MPHOSPH9: variants seen among roughly 807,000 people sequenced by gnomAD.
MPHOSPH9 encodes the protein M-phase phosphoprotein 9.
In MPHOSPH9, 88 loss-of-function variants were observed where a neutral mutation model predicts 145.5. That is an observed-to-expected ratio of 0.60 (90% CI 0.51 to 0.72). The LOEUF is 0.72. Ranked by LOEUF, MPHOSPH9 falls within the 30% of genes least tolerant of loss-of-function variation. MPHOSPH9 has a pLI of 0.00. For synonymous variants in MPHOSPH9, 435 were observed against 486.2 expected (o/e 0.89, Z 1.39); for missense variants, 1,238 against 1,386.6 (o/e 0.89, Z 1.70).
rs2043857646 is a variant in MPHOSPH9 at position 123,156,126 on chromosome 12, G to T, written c.*681C>A. On this transcript the variant is annotated 3_prime_UTR_variant, in exon 24 of 24. Coordinates refer to ENST00000606320, the MANE Select transcript of MPHOSPH9 (RefSeq NM_022782.4). ...AGAGCTACTCTGAGAGCCCTCCAGA[G>T]AGGGCTCTCCAATTGTTTAACTTTT... The T allele has an allele frequency of 6.6e-6, 1 of 152,208 alleles. No homozygotes were observed. The highest frequency in any genetic ancestry group is 2.4e-5 in the African/African-American group (1 of 41,450). The allele number at this position is 152,208 out of a possible 1,614,324, so 9.4% of individuals were successfully genotyped here.
chr12:123,229,387 A>G (rs1178664223), intron 2 of MPHOSPH9, among the ~76,000 whole-genome samples: 1 of 152,244 alleles, frequency 6.6e-6, no homozygotes, highest in African/African-American at 2.4e-5. Context: ...CTGTGTTAAG[A>G]CCATTAAAAA....
chr12:123,184,498 A>AT (rs35180953), intron 13 of MPHOSPH9, among the ~76,000 whole-genome samples: 21 of 145,560 alleles, frequency 1.4e-4, no homozygotes, highest in African/African-American at 1.5e-4. Flanking sequence ...CTTTAATTTA[A>AT]TTTTTTTTTT....
At chr12:123,170,425 G>T (rs2044528825) in intron 16 of MPHOSPH9, among the ~76,000 whole-genome samples, 1 of 152,252 alleles carries the variant, frequency 6.6e-6, no homozygotes, top group African/African-American at 2.4e-5. Flanking sequence ...TTATAGGCGT[G>T]AGCCACTGTG....
At chr12:123,162,961 A>G in intron 20 of MPHOSPH9, 53 bp downstream of exon 20, 1 of 1,470,806 alleles carries the variant, frequency 6.8e-7, no homozygotes. Flanking sequence ...GTCAACATTT[A>G]GAAAAAAATC....
intron 16 of MPHOSPH9, among the ~76,000 whole-genome samples, chr12:123,170,124 C>T (rs58339539): frequency 0.04 from 6,009 of 150,956 alleles, 391 homozygotes; most frequent in African/African-American, 0.14. Context: ...ACTACAGGCG[C>T]GTACCACCAA....
At chr12:123,157,017 T>G (rs1418443571) in intron 23 of MPHOSPH9, 109 bp from the exon 24 acceptor site, 2 of 662,694 alleles carry the variant, frequency 3.0e-6, no homozygotes, top group African/African-American at 3.6e-5. Context: ...ACACTAAAAT[T>G]ACAATTATTT....
intron 13 of MPHOSPH9, 74 bp downstream of exon 13, chr12:123,194,312 T>C (rs1253166448): frequency 1.2e-6 from 1 of 853,866 alleles, no homozygotes; most frequent in Non-Finnish European, 1.8e-6. Flanking sequence ...AAAGTCATAA[T>C]CACTTGTAAG....
At chr12:123,240,306 G>A (rs895220277) in intron 1 of MPHOSPH9, among the ~76,000 whole-genome samples, 4 of 151,738 alleles carry the variant, frequency 2.6e-5, no homozygotes, top group African/African-American at 4.8e-5. Flanking sequence ...CCCGGGAGGC[G>A]GAGGTTGCAG....
chr12:123,205,493 C>T (rs2046388288), intron 8 of MPHOSPH9, among the ~76,000 whole-genome samples: 1 of 152,068 alleles, frequency 6.6e-6, no homozygotes, highest in Admixed American at 6.6e-5. Context: ...ATGCAGTGAG[C>T]TGAGATCGCA....
intron 13 of MPHOSPH9, among the ~76,000 whole-genome samples, chr12:123,186,649 A>G (rs539634492): frequency 1.3e-5 from 2 of 152,308 alleles, no homozygotes; most frequent in South Asian, 2.1e-4. Context: ...ATTATAGATA[A>G]TATGTAAAAT....
chr12:123,174,608 G>A (rs1049263118), intron 16 of MPHOSPH9, among the ~76,000 whole-genome samples: 5 of 151,982 alleles, frequency 3.3e-5, no homozygotes, highest in African/African-American at 9.7e-5. Flanking sequence ...TCCTGACCTC[G>A]TGATCCGCCC....
At chr12:123,196,034 C>CAAA (rs571566355) in intron 12 of MPHOSPH9, among the ~76,000 whole-genome samples, 1 of 131,752 alleles carries the variant, frequency 7.6e-6, no homozygotes, top group Non-Finnish European at 1.6e-5. Context: ...GACCCTGTCT[C>CAAA]AAAAAAAAAA....
chr12:123,184,193 G>A (rs776370625), intron 13 of MPHOSPH9, among the ~76,000 whole-genome samples: 6 of 151,942 alleles, frequency 3.9e-5, no homozygotes, highest in Non-Finnish European at 5.9e-5. Flanking sequence ...GTGACAAGGT[G>A]AGACCTGTCT....
At chr12:123,157,351 G>GAA (rs76218367) in intron 23 of MPHOSPH9, among the ~76,000 whole-genome samples, 5 of 113,862 alleles carry the variant, frequency 4.4e-5, no homozygotes, top group Non-Finnish European at 1.9e-5. Flanking sequence ...AGTTAAAAAG[G>GAA]AAAAAAAAAA....
At chr12:123,164,612 T>C (rs561869871) in intron 18 of MPHOSPH9, among the ~76,000 whole-genome samples, 2 of 152,210 alleles carry the variant, frequency 1.3e-5, no homozygotes, top group Admixed American at 6.5e-5. Context: ...TCTCACTTCA[T>C]GAATACCAAA....
At chr12:123,186,242 A>AC in intron 13 of MPHOSPH9, among the ~76,000 whole-genome samples, 1 of 151,438 alleles carries the variant, frequency 6.6e-6, no homozygotes, top group Non-Finnish European at 1.5e-5. Flanking sequence ...AAAAAAAAAA[A>AC]AAAAAAAAAG....
chr12:123,205,495 G>A (rs1049566426), intron 8 of MPHOSPH9, among the ~76,000 whole-genome samples: 3 of 152,030 alleles, frequency 2.0e-5, no homozygotes, highest in Non-Finnish European at 4.4e-5. Context: ...GCAGTGAGCT[G>A]AGATCGCACC....
At chr12:123,200,001 A>C (rs2046150371) in intron 11 of MPHOSPH9, among the ~76,000 whole-genome samples, 1 of 152,128 alleles carries the variant, frequency 6.6e-6, no homozygotes, top group South Asian at 2.1e-4. Context: ...ATTCTTGAAA[A>C]AAAATCACTC....
chr12:123,188,318 C>T (rs2045537955), intron 13 of MPHOSPH9, among the ~76,000 whole-genome samples: 1 of 152,074 alleles, frequency 6.6e-6, no homozygotes. Context: ...TAAACTGGTA[C>T]AACCATTTCA....
Sources: allele counts gnomAD v4.1 joint callset (sites outside exome capture counted in the v4.1 genomes callset), GRCh38; gene constraint gnomAD v4.1.1; transcripts MANE v1.5; gene names NCBI Gene and HGNC (gene_info 2026-07-23, HGNC 2026-07-21).